The following CEP128 variants were observed in gnomAD, a reference collection of about 807,000 sequenced individuals.
CEP128 encodes centrosomal protein 128kDa.
Under a neutral mutation model 156.7 loss-of-function variants are expected in CEP128, and 132 were observed. That is an observed-to-expected ratio of 0.84 (90% CI 0.73 to 0.97). CEP128 has a LOEUF of 0.97. Ranked by LOEUF, CEP128 falls within the 50% of genes least tolerant of loss-of-function variation. The pLI, the probability that CEP128 is intolerant of heterozygous loss-of-function variation, is 0.00. For synonymous variants in CEP128, 469 were observed against 448.9 expected (o/e 1.04, Z -0.57); for missense variants, 1,252 against 1,281.9 (o/e 0.98, Z 0.36).
At chr14:80,649,559 T>C (rs1376349229) in intron 19 of CEP128, among the ~76,000 whole-genome samples, 1 of 152,116 alleles carries the variant, frequency 6.6e-6, no homozygotes, top group Non-Finnish European at 1.5e-5. Flanking sequence ...TACATGGGGA[T>C]TACTTGCAGG....
At chr14:80,724,578 C>T (rs1897941065) in intron 19 of CEP128, among the ~76,000 whole-genome samples, 1 of 151,970 alleles carries the variant, frequency 6.6e-6, no homozygotes, top group African/African-American at 2.4e-5. Context: ...GAATTAACCT[C>T]TGAAAAGCTT....
intron 8 of CEP128, among the ~76,000 whole-genome samples, chr14:80,867,683 A>G (rs1173218388): frequency 6.6e-6 from 1 of 152,114 alleles, no homozygotes. Context: ...AACAAGAAAG[A>G]AAAAGAATTA....
At chr14:80,799,184 C>A (rs990365841) in intron 13 of CEP128, among the ~76,000 whole-genome samples, 5 of 152,230 alleles carry the variant, frequency 3.3e-5, no homozygotes, top group African/African-American at 1.2e-4. Flanking sequence ...AACGTTGTTG[C>A]CGGAAGTCAG....
rs1884637259 is a variant in CEP128 at position 80,812,830 on chromosome 14, T to C, written c.1209+18313A>G. 2.6e-5 allele frequency among the ~76,000 whole-genome samples: 4 copies of C among 152,218 alleles called. No homozygotes were observed. The South Asian group carries it at 8.3e-4, about 32-fold the overall frequency. The stretch of plus-strand genomic sequence containing the variant: ...CGCCAACCTCAGCCTCCCAAAGTGC[T>C]GGGATTACAAGCGTGAGCCACCGCG... On this transcript the variant is annotated intron_variant, in intron 13 of 24. Coordinates refer to ENST00000555265, the MANE Select transcript of CEP128 (RefSeq NM_152446.5).
At chr14:80,697,130 C>T (rs1182544069) in intron 19 of CEP128, among the ~76,000 whole-genome samples, 1 of 151,806 alleles carries the variant, frequency 6.6e-6, no homozygotes, top group African/African-American at 2.4e-5. Flanking sequence ...TCATATCAAA[C>T]TATTAAATGT....
At chr14:80,576,695 G>T (rs1351017654) in intron 20 of CEP128, among the ~76,000 whole-genome samples, 2 of 151,654 alleles carry the variant, frequency 1.3e-5, no homozygotes, top group East Asian at 3.9e-4. Context: ...GGCAGAATTT[G>T]GATGTCTCTC....
At chr14:80,593,096 A>C (rs956542679) in intron 19 of CEP128, among the ~76,000 whole-genome samples, 1 of 152,328 alleles carries the variant, frequency 6.6e-6, no homozygotes, top group South Asian at 2.1e-4. Flanking sequence ...GCACAAGACA[A>C]GGATGCCCTC....
chr14:80,687,316 A>G (rs1378616955), intron 19 of CEP128, among the ~76,000 whole-genome samples: 1 of 152,126 alleles, frequency 6.6e-6, no homozygotes, highest in Non-Finnish European at 1.5e-5. Flanking sequence ...TAGCAATGAC[A>G]TTGAATCAAC....
chr14:80,932,044 T>C lies in CEP128; in HGVS notation c.-16+7341A>G, dbSNP rs530631978. On this transcript the variant is annotated intron_variant, in intron 2 of 24. Transcript: ENST00000555265. ...AGTTACCCCCATGCTGTTCTCATGA[T>C]AGTAGTGAGTTCTCACAAGATCTGA... 1.6e-4 allele frequency among the ~76,000 whole-genome samples: 25 copies of C among 152,296 alleles called. No homozygotes were observed. In the East Asian group the frequency reaches 3.3e-3, roughly 20 times the overall value.
intron 16 of CEP128, among the ~76,000 whole-genome samples, chr14:80,773,716 A>T (rs1900638419): frequency 6.6e-6 from 1 of 152,218 alleles, no homozygotes. Context: ...TGATTCACAG[A>T]TTCCAGTGAA....
chr14:80,715,314 C>T (rs189959883), intron 19 of CEP128, among the ~76,000 whole-genome samples: 1 of 152,120 alleles, frequency 6.6e-6, no homozygotes, highest in African/African-American at 2.4e-5. Context: ...AGTCTTCCTA[C>T]TCTGAAAATA....
intron 14 of CEP128, among the ~76,000 whole-genome samples, chr14:80,789,605 C>A (rs1056233471): frequency 6.6e-6 from 1 of 152,024 alleles, no homozygotes; most frequent in African/African-American, 2.4e-5. Context: ...TGAAAAATAG[C>A]CAGCAGTCAA....
chr14:80,921,292 T>G (rs1473536506), intron 2 of CEP128, among the ~76,000 whole-genome samples: 2 of 152,120 alleles, frequency 1.3e-5, no homozygotes, highest in African/African-American at 4.8e-5. Flanking sequence ...CCCTTATGAA[T>G]GGATTAATCT....
intron 6 of CEP128, among the ~76,000 whole-genome samples, chr14:80,900,978 G>A (rs1234560360): frequency 6.6e-5 from 10 of 151,964 alleles, no homozygotes; most frequent in South Asian, 2.1e-4. Flanking sequence ...AGGCCGAGGC[G>A]GGCGGATCAC....
intron 21 of CEP128, among the ~76,000 whole-genome samples, chr14:80,552,586 C>G (rs2140345169): frequency 6.6e-6 from 1 of 152,082 alleles, no homozygotes; most frequent in South Asian, 2.1e-4. Context: ...GTCATTGATA[C>G]AAAATTTTAA....
chr14:80,618,501 C>A (rs987276443), intron 19 of CEP128, among the ~76,000 whole-genome samples: 1 of 152,198 alleles, frequency 6.6e-6, no homozygotes, highest in African/African-American at 2.4e-5. Flanking sequence ...TAGTTGAATT[C>A]ACAAGAAGAA....
intron 20 of CEP128, among the ~76,000 whole-genome samples, chr14:80,562,746 T>C (rs1890743362): frequency 6.7e-6 from 1 of 148,316 alleles, no homozygotes; most frequent in Non-Finnish European, 1.5e-5. Context: ...CTGCAGCCTA[T>C]ACCTTCCATG....
intron 19 of CEP128, among the ~76,000 whole-genome samples, chr14:80,730,599 C>T (rs1898228463): frequency 6.6e-6 from 1 of 152,232 alleles, no homozygotes; most frequent in African/African-American, 2.4e-5. Context: ...ACAAATATTT[C>T]ATGACCACAA....
intron 13 of CEP128, among the ~76,000 whole-genome samples, chr14:80,813,759 A>C (rs1884692969): frequency 6.6e-6 from 1 of 152,128 alleles, no homozygotes; most frequent in South Asian, 2.1e-4. Context: ...AAATAATCTA[A>C]ATAAGAGCAT....
Sources: gnomAD v4.1 joint callset for allele counts (sites outside exome capture counted in the v4.1 genomes callset) on GRCh38, gnomAD v4.1.1 for gene constraint, MANE v1.5 for transcripts, NCBI Gene and HGNC (gene_info 2026-07-23, HGNC 2026-07-21) for gene names.